Variants in TRIM9 observed in about 807,000 individuals in gnomAD.
TRIM9 encodes tripartite motif containing 9.
In TRIM9, 26 loss-of-function variants were observed where a neutral mutation model predicts 78.3. The observed-to-expected ratio is 0.33, with a 90% CI of 0.24 to 0.46. TRIM9 has a LOEUF of 0.46. Among genes scored for constraint, TRIM9 ranks in the 20% least tolerant of loss-of-function variants. TRIM9 has a pLI of 1.00. For missense variants in TRIM9, 787 were observed against 1,036.4 expected (o/e 0.76, Z 3.30); for synonymous variants, 398 against 416.5 (o/e 0.96, Z 0.54).
intron 7 of TRIM9, 104 bp from the exon 8 acceptor site, chr14:50,986,248 A>C: frequency 1.9e-6 from 2 of 1,032,566 alleles, no homozygotes; most frequent in Non-Finnish European, 2.6e-6. Flanking sequence ...ACAAAGCCTC[A>C]TCTTTCCCAC....
chr14:51,093,109 G>A (rs1202244208), intron 1 of TRIM9, among the ~76,000 whole-genome samples: 1 of 152,140 alleles, frequency 6.6e-6, no homozygotes, highest in African/African-American at 2.4e-5. Context: ...GAGGTCGAAG[G>A]GGCCAAAATG....
intron 1 of TRIM9, among the ~76,000 whole-genome samples, chr14:51,055,471 C>T (rs781180777): frequency 1.3e-5 from 2 of 152,168 alleles, no homozygotes; most frequent in Non-Finnish European, 2.9e-5. Flanking sequence ...CCAGTAAACA[C>T]AGAGACTATC....
intron 7 of TRIM9, chr14:50,996,433 C>T: frequency 1.0e-6 from 1 of 985,466 alleles, no homozygotes; most frequent in Non-Finnish European, 1.2e-6. Context: ...AGTGCTCAGG[C>T]TGTTATGCTA....
chr14:51,069,097 A>G (rs111465765), intron 1 of TRIM9, among the ~76,000 whole-genome samples: 1 of 152,332 alleles, frequency 6.6e-6, no homozygotes, highest in African/African-American at 2.4e-5. Context: ...GAATAAAGGA[A>G]GAATTGAATG....
At position 51,087,834 on chromosome 14, in the gene TRIM9, C is replaced by G. The variant is rs553239624; in HGVS notation, c.822+6284G>C. ...CTTTAAAACAATCTATTTTTGTATACCACAGATTAATGAAAAACTCAATTA... is the reference window on the plus strand; with the variant it reads ...CTTTAAAACAATCTATTTTTGTATAGCACAGATTAATGAAAAACTCAATTA... On this transcript the variant is annotated intron_variant, in intron 1 of 12. Transcript: ENST00000684578. Among the ~76,000 whole-genome samples the G allele has an allele frequency of 6.6e-5, 10 of 152,176 alleles. No homozygotes were observed. The South Asian group carries it at 2.1e-3, about 32-fold the overall frequency.
chr14:51,058,757 A>C (rs549102067), intron 1 of TRIM9, among the ~76,000 whole-genome samples: 1 of 152,358 alleles, frequency 6.6e-6, no homozygotes, highest in Admixed American at 6.5e-5. Flanking sequence ...ATTCAGCTAC[A>C]TATGGTGTGA....
rs186992225 is a variant in TRIM9, at chr14:51,038,459, C to T, written c.823-13099G>A. On this transcript the variant is annotated intron_variant, in intron 1 of 12. Coordinates refer to ENST00000684578, the MANE Select transcript of TRIM9 (RefSeq NM_001387360.1). ...AGAGCTGGATGCTTACCACCTTTGG[C>T]GGTGGTCGGATTGCTTCACCTGATA... 1.6e-4 allele frequency among the ~76,000 whole-genome samples: 24 copies of T among 152,136 alleles called. 1 individual carries two copies. Among genetic ancestry groups the T allele is most frequent in the Non-Finnish European group, 2.5e-4 (17 of 68,020 alleles).
intron 7 of TRIM9, among the ~76,000 whole-genome samples, chr14:50,995,785 C>A (rs922168368): frequency 2.0e-5 from 3 of 151,810 alleles, no homozygotes; most frequent in Non-Finnish European, 4.4e-5. Context: ...AAAAAAAAAT[C>A]TCTAAAGCAA....
rs1358350866 is a variant in TRIM9 at position 50,986,195 on chromosome 14, C to T, written c.1604-51G>A. 12 of 1,378,398 alleles carry T rather than the reference C, an allele frequency of 8.7e-6. No individual in the cohort carries two copies. The Admixed American group carries it at 8.9e-5, about 10-fold the overall frequency. 85.4% of individuals were successfully genotyped at this position (1,378,398 alleles called of 1,614,324 possible). A position where few individuals can be genotyped will look rare whatever the true frequency, so the allele number is the denominator to read the frequency against. ...GAGATCAGAAGTCTGCTATTATGTC[C>T]CCGTGCACGGTTCCCCAAGACCTGC... On this transcript the variant is annotated intron_variant, in intron 7 of 12. Coordinates refer to ENST00000684578, the MANE Select transcript of TRIM9 (RefSeq NM_001387360.1).
At position 50,977,015 on chromosome 14, in the gene TRIM9, A is replaced by G. The variant is rs1288865433; in HGVS notation, c.*276T>C. 9.4e-6 allele frequency: 3 copies of G among 318,432 alleles called. No homozygotes were observed. The highest frequency in any genetic ancestry group is 3.1e-4 in the South Asian group (2 of 6,382). 19.7% of individuals were successfully genotyped at this position (318,432 alleles called of 1,614,324 possible). On this transcript the variant is annotated 3_prime_UTR_variant, in exon 13 of 13. Transcript: ENST00000684578. Reference sequence around the variant, plus strand: ...AAAAATTAAGTTAAATAAAAGCAAAATCTGGGAGTGGGAACCAAGTGACTT... The same window carrying G: ...AAAAATTAAGTTAAATAAAAGCAAAGTCTGGGAGTGGGAACCAAGTGACTT...
At chr14:51,040,145 A>G (rs2059468804) in intron 1 of TRIM9, among the ~76,000 whole-genome samples, 1 of 152,206 alleles carries the variant, frequency 6.6e-6, no homozygotes, top group Non-Finnish European at 1.5e-5. Context: ...TAAGACCTTA[A>G]CTGTGCAAGA....
chr14:51,076,293 A>G (rs2062775946), intron 1 of TRIM9, among the ~76,000 whole-genome samples: 1 of 152,206 alleles, frequency 6.6e-6, no homozygotes, highest in African/African-American at 2.4e-5. Flanking sequence ...TAGGTCCTCA[A>G]GCTGAGGGGT....
At chr14:51,011,081 T>C (rs1308344502) in intron 3 of TRIM9, among the ~76,000 whole-genome samples, 1 of 152,176 alleles carries the variant, frequency 6.6e-6, no homozygotes, top group African/African-American at 2.4e-5. Flanking sequence ...AATGAGCTAA[T>C]GAAAAGCTGA....
intron 1 of TRIM9, among the ~76,000 whole-genome samples, chr14:51,044,192 G>A (rs2059771977): frequency 2.0e-5 from 3 of 152,174 alleles, no homozygotes; most frequent in Admixed American, 2.0e-4. Flanking sequence ...TTCAACAGGG[G>A]TCCACAGAGT....
At chr14:51,031,147 C>A (rs1181365389) in intron 1 of TRIM9, among the ~76,000 whole-genome samples, 273 of 100,592 alleles carry the variant, frequency 2.7e-3, no homozygotes, top group African/African-American at 5.3e-3. Context: ...AAACTCTTTC[C>A]AAAAAAAAAA....
At chr14:51,046,388 T>C (rs1317798650) in intron 1 of TRIM9, among the ~76,000 whole-genome samples, 1 of 152,214 alleles carries the variant, frequency 6.6e-6, no homozygotes, top group African/African-American at 2.4e-5. Flanking sequence ...GTGTACTTTA[T>C]CACTGTCAGT....
At chr14:51,060,384 A>G (rs1017980765) in intron 1 of TRIM9, among the ~76,000 whole-genome samples, 1 of 152,188 alleles carries the variant, frequency 6.6e-6, no homozygotes, top group Admixed American at 6.5e-5. Context: ...TATTTATACA[A>G]CCACACAGTA....
intron 1 of TRIM9, among the ~76,000 whole-genome samples, chr14:51,036,937 C>T (rs943207252): frequency 1.3e-5 from 2 of 152,086 alleles, no homozygotes; most frequent in Admixed American, 6.6e-5. Flanking sequence ...TGTAATAAAC[C>T]ATTTTTTCTT....
chr14:51,038,672 G>A (rs2139953919), intron 1 of TRIM9, among the ~76,000 whole-genome samples: 1 of 152,320 alleles, frequency 6.6e-6, no homozygotes, highest in South Asian at 2.1e-4. Context: ...ATCCACATGT[G>A]AATTATGTAA....
Sources: gnomAD v4.1 joint callset for allele counts (sites outside exome capture counted in the v4.1 genomes callset) on GRCh38, gnomAD v4.1.1 for gene constraint, MANE v1.5 for transcripts, NCBI Gene and HGNC (gene_info 2026-07-23, HGNC 2026-07-21) for gene names.